Variants in FBN2 observed in about 807,000 individuals in gnomAD.
FBN2 encodes fibrillin 2.
FBN2 carries 105 observed loss-of-function variants against 355.6 expected under a neutral mutation model. The observed-to-expected ratio is 0.30, with a 90% CI of 0.25 to 0.35. The LOEUF is 0.35. Among genes scored for constraint, FBN2 ranks in the 10% least tolerant of loss-of-function variants. The pLI is 1.00. For synonymous variants in FBN2, 1,350 were observed against 1,301.2 expected (o/e 1.04, Z -0.81); for missense variants, 3,280 against 3,758.7 (o/e 0.87, Z 3.33).
At chr5:128,528,848 G>T (rs1756636045) in intron 3 of FBN2, among the ~76,000 whole-genome samples, 1 of 152,208 alleles carries the variant, frequency 6.6e-6, no homozygotes, top group Non-Finnish European at 1.5e-5. Flanking sequence ...TGAAGAGGGC[G>T]AGAGTCTGGG....
At chr5:128,294,172 A>C (rs1167159945) in intron 48 of FBN2, among the ~76,000 whole-genome samples, 229 of 151,904 alleles carry the variant, frequency 1.5e-3, no homozygotes, top group African/African-American at 5.3e-3. Context: ...TGAACTCATC[A>C]TTTTTTATGG....
chr5:128,351,079 C>T (rs919527863), intron 20 of FBN2, 74 bp from the exon 21 acceptor site: 2 of 1,552,922 alleles, frequency 1.3e-6, no homozygotes, highest in Non-Finnish European at 8.9e-7. Flanking sequence ...ACACAAAAGG[C>T]ATTTGTTACA....
intron 62 of FBN2, among the ~76,000 whole-genome samples, chr5:128,264,851 G>A (rs765178245): frequency 3.9e-5 from 6 of 152,188 alleles, no homozygotes; most frequent in Non-Finnish European, 7.4e-5. Flanking sequence ...TTTGGAAGAT[G>A]CACATGGGCT....
At chr5:128,390,089 C>T (rs757849628) in intron 11 of FBN2, among the ~76,000 whole-genome samples, 1 of 152,122 alleles carries the variant, frequency 6.6e-6, no homozygotes, top group Non-Finnish European at 1.5e-5. Flanking sequence ...GATCCTGCTG[C>T]TAGATTGGAT....
chr5:128,323,641 C>T (rs1181699022), intron 34 of FBN2, among the ~76,000 whole-genome samples: 5 of 152,268 alleles, frequency 3.3e-5, no homozygotes, highest in South Asian at 2.1e-4. Context: ...GGGATAAAGC[C>T]GACTTGATCG....
chr5:128,360,529 T>C (rs911687815), intron 19 of FBN2, among the ~76,000 whole-genome samples: 1 of 152,054 alleles, frequency 6.6e-6, no homozygotes, highest in Non-Finnish European at 1.5e-5. Flanking sequence ...CAGAAGTAAG[T>C]TTAGAAAAAG....
chr5:128,285,124 A>G (rs1749108040), intron 55 of FBN2, among the ~76,000 whole-genome samples: 1 of 152,236 alleles, frequency 6.6e-6, no homozygotes, highest in Non-Finnish European at 1.5e-5. Flanking sequence ...TTTTCATTAA[A>G]GAGGTCTTAG....
At chr5:128,476,219 A>T (rs1289215572) in intron 5 of FBN2, among the ~76,000 whole-genome samples, 1 of 152,212 alleles carries the variant, frequency 6.6e-6, no homozygotes, top group Admixed American at 6.5e-5. Flanking sequence ...AAATGATAAT[A>T]AAAATGACAA....
intron 7 of FBN2, among the ~76,000 whole-genome samples, chr5:128,432,981 G>T (rs1365250394): frequency 2.0e-5 from 3 of 152,028 alleles, no homozygotes; most frequent in Non-Finnish European, 2.9e-5. Flanking sequence ...AAAATCACCA[G>T]ATCTCATGAG....
At chr5:128,298,815 C>G (rs997738777) in intron 48 of FBN2, among the ~76,000 whole-genome samples, 2 of 152,208 alleles carry the variant, frequency 1.3e-5, no homozygotes, top group Non-Finnish European at 2.9e-5. Flanking sequence ...ATTTGATCGT[C>G]TGAAGCCTTC....
Position 128,537,856 on chromosome 5 carries a change from C to G in FBN2, c.-253G>C, listed in dbSNP as rs1328657192. ...GGCGCGGCGGAGGTGCAGCCGGCAG[C>G]CCCGAGCGGTACACGTTGCATAACC... On this transcript the variant is annotated 5_prime_UTR_variant, in exon 1 of 65. Coordinates refer to ENST00000262464, the MANE Select transcript of FBN2 (RefSeq NM_001999.4). The G allele has an allele frequency of 3.4e-6, 2 of 591,214 alleles. No individual in the cohort carries two copies. The highest frequency in any genetic ancestry group is 6.0e-6 in the Non-Finnish European group (2 of 332,008). 36.6% of individuals were successfully genotyped at this position (591,214 alleles called of 1,614,324 possible).
intron 45 of FBN2, among the ~76,000 whole-genome samples, chr5:128,304,207 T>A (rs911406182): frequency 6.6e-6 from 1 of 152,250 alleles, no homozygotes; most frequent in African/African-American, 2.4e-5. Flanking sequence ...AGTTTTAAAT[T>A]TAATTTTCCC....
At chr5:128,454,355 A>G (rs1343179277) in intron 6 of FBN2, among the ~76,000 whole-genome samples, 2 of 152,192 alleles carry the variant, frequency 1.3e-5, no homozygotes, top group Non-Finnish European at 2.9e-5. Flanking sequence ...TTTGCTTTAA[A>G]GTTTTTTAAT....
chr5:128,414,645 C>T (rs1272258224), intron 7 of FBN2, among the ~76,000 whole-genome samples: 1 of 152,068 alleles, frequency 6.6e-6, no homozygotes, highest in Non-Finnish European at 1.5e-5. Context: ...TAGATATACA[C>T]CTAGAAGTGG....
rs1006410113 is a variant in FBN2 at position 128,288,096 on chromosome 5, G to A, written c.6757+342C>T. 7.9e-5 allele frequency among the ~76,000 whole-genome samples: 12 copies of A among 152,062 alleles called. No individual in the cohort carries two copies. The East Asian group carries it at 1.2e-3, about 15-fold the overall frequency. ...TCTTCAGAGTAATATAACTGATTTCGAAGCATATCATTCACAATATCCAGA... is the reference window on the plus strand; with the variant it reads ...TCTTCAGAGTAATATAACTGATTTCAAAGCATATCATTCACAATATCCAGA... On this transcript the variant is annotated intron_variant, in intron 53 of 64. Transcript: ENST00000262464.
At position 128,422,743 on chromosome 5, in the gene FBN2, A is replaced by G. The variant is rs1028077339; in HGVS notation, c.953-13944T>C. Among the ~76,000 whole-genome samples the G allele has an allele frequency of 1.1e-4, 17 of 152,300 alleles. No individual in the cohort carries two copies. In the South Asian group the frequency reaches 1.7e-3, roughly 15 times the overall value. On this transcript the variant is annotated intron_variant, in intron 7 of 64. Coordinates refer to ENST00000262464, the MANE Select transcript of FBN2 (RefSeq NM_001999.4). Reference sequence around the variant, plus strand: ...TGTCAGATATCTTTTACTCTTCTCAAGAGAGTAAAACAGAGTACAGATGTT... The same window carrying G: ...TGTCAGATATCTTTTACTCTTCTCAGGAGAGTAAAACAGAGTACAGATGTT...
intron 7 of FBN2, chr5:128,442,264 T>C (rs922285408): frequency 8.8e-6 from 4 of 453,576 alleles, no homozygotes; most frequent in Admixed American, 4.8e-5. Context: ...CTGCCTCCCA[T>C]GTAAGCCAGG....
At chr5:128,464,252 A>G (rs1057401065) in intron 6 of FBN2, among the ~76,000 whole-genome samples, 11 of 152,214 alleles carry the variant, frequency 7.2e-5, no homozygotes, top group African/African-American at 2.7e-4. Context: ...CTGCAATCAT[A>G]GACAGAGTTC....
At chr5:128,375,154 T>C (rs1171031778) in intron 14 of FBN2, among the ~76,000 whole-genome samples, 1 of 152,214 alleles carries the variant, frequency 6.6e-6, no homozygotes, top group Non-Finnish European at 1.5e-5. Context: ...ACAAAATAAC[T>C]TGAGGTATGT....
Sources: allele counts gnomAD v4.1 joint callset (sites outside exome capture counted in the v4.1 genomes callset), GRCh38; gene constraint gnomAD v4.1.1; transcripts MANE v1.5; gene names NCBI Gene and HGNC (gene_info 2026-07-23, HGNC 2026-07-21).